The following GPR149 variants were observed in gnomAD, a reference collection of about 807,000 sequenced individuals.
GPR149 encodes the protein probable G protein-coupled receptor 149.
Under a neutral mutation model 50.2 loss-of-function variants are expected in GPR149, and 50 were observed. The ratio of observed to expected loss-of-function variants is 1.00; its 90% CI spans 0.79 to 1.26. The LOEUF (loss-of-function observed/expected upper bound fraction) is 1.26. Ranked by LOEUF, GPR149 falls within the 50% of genes most tolerant of loss-of-function variation. The probability of loss-of-function intolerance (pLI) is 0.00; values close to 1 mark genes in which losing one functional copy is unlikely to be tolerated. For missense variants in GPR149, 983 were observed against 895.4 expected, an observed-to-expected ratio of 1.10 and a Z score of -1.25; for synonymous variants, 405 against 358.2, an observed-to-expected ratio of 1.13 and a Z score of -1.48.
Position 154,335,719 on chromosome 3 carries a change from C to T in GPR149, c.*1980G>A, listed in dbSNP as rs1713641100. ...TATCTATTTCTTAATGCTCTTTAAA[C>T]CTTGATTTCTGTTATAATCTCCATC... On this transcript the variant is annotated 3_prime_UTR_variant, in exon 4 of 4. Coordinates refer to ENST00000389740, the MANE Select transcript of GPR149 (RefSeq NM_001038705.3). 6.6e-6 allele frequency: 1 copy of T among 152,058 alleles called. No homozygotes were observed. The allele number at this position is 152,058 out of a possible 1,614,324, so 9.4% of individuals were successfully genotyped here.
At chr3:154,353,856 G>C in intron 3 of GPR149, 1 of 613,564 alleles carries the variant, frequency 1.6e-6, no homozygotes, top group Non-Finnish European at 3.0e-6. Flanking sequence ...ATAGGAAAGA[G>C]ATATGTTACC....
At chr3:154,340,898 T>G (rs187755996) in intron 3 of GPR149, among the ~76,000 whole-genome samples, 71 of 152,236 alleles carry the variant, frequency 4.7e-4, no homozygotes, top group Non-Finnish European at 8.2e-4. Context: ...GTTTCTGTAT[T>G]TTTAGTAGAG....
chr3:154,352,548 A>G (rs1714105480), intron 3 of GPR149: 1 of 775,198 alleles, frequency 1.3e-6, no homozygotes, highest in East Asian at 2.4e-5. Flanking sequence ...GGCACAGGTG[A>G]CATCCTGTAT....
chr3:154,409,835 A>G (rs1229807317), intron 3 of GPR149, among the ~76,000 whole-genome samples: 1 of 152,208 alleles, frequency 6.6e-6, no homozygotes, highest in African/African-American at 2.4e-5. Context: ...AAACCTCCCC[A>G]GTCTTGCTAG....
At chr3:154,352,378 G>A (rs1714101381) in intron 3 of GPR149, 3 of 1,125,274 alleles carry the variant, frequency 2.7e-6, no homozygotes, top group Non-Finnish European at 3.9e-6. Flanking sequence ...AATTTGGCTG[G>A]CACTGAGAGT....
At chr3:154,420,989 C>T in intron 3 of GPR149, 50 bp downstream of exon 3, 1 of 1,308,354 alleles carries the variant, frequency 7.6e-7, no homozygotes, top group African/African-American at 1.5e-5. Context: ...TCATGACTAT[C>T]ATATTTAGTA....
chr3:154,341,292 C>CATATATATATATATATAT (rs373212063), intron 3 of GPR149, among the ~76,000 whole-genome samples: 1 of 72,954 alleles, frequency 1.4e-5, no homozygotes, highest in Non-Finnish European at 2.5e-5. Context: ...AAAAATAAGA[C>CATATATATATATATATAT]ATATATATAT....
intron 3 of GPR149, among the ~76,000 whole-genome samples, chr3:154,355,958 T>C (rs1488712602): frequency 6.6e-6 from 1 of 152,184 alleles, no homozygotes; most frequent in Non-Finnish European, 1.5e-5. Context: ...ACAAGAATAC[T>C]TTCGTCAAAC....
At chr3:154,372,662 C>A (rs1392726884) in intron 3 of GPR149, among the ~76,000 whole-genome samples, 1 of 152,018 alleles carries the variant, frequency 6.6e-6, no homozygotes, top group African/African-American at 2.4e-5. Context: ...GCCAGAGGAC[C>A]AGTATGGAGG....
intron 3 of GPR149, among the ~76,000 whole-genome samples, chr3:154,396,529 T>C (rs1350691861): frequency 6.6e-6 from 1 of 152,176 alleles, no homozygotes; most frequent in Admixed American, 6.5e-5. Flanking sequence ...GTGTCATTTT[T>C]AGACAGTTTA....
At chr3:154,345,068 T>C (rs1713890721) in intron 3 of GPR149, among the ~76,000 whole-genome samples, 1 of 152,242 alleles carries the variant, frequency 6.6e-6, no homozygotes, top group Non-Finnish European at 1.5e-5. Flanking sequence ...GAACATTCTC[T>C]TGTTGATCTT....
chr3:154,423,994 T>C (rs1057040137), intron 2 of GPR149, among the ~76,000 whole-genome samples: 8 of 151,860 alleles, frequency 5.3e-5, no homozygotes, highest in Admixed American at 3.9e-4. Context: ...CTTTAATTAT[T>C]AACAAAGGCA....
chr3:154,378,087 C>CTTTTTTTT (rs1553764603), intron 3 of GPR149, among the ~76,000 whole-genome samples: 1 of 126,108 alleles, frequency 7.9e-6, no homozygotes. Context: ...ATCCCCCCCC[C>CTTTTTTTT]CTTTTTTTTT....
chr3:154,353,419 C>A (rs1423711223), intron 3 of GPR149: 2 of 1,064,670 alleles, frequency 1.9e-6, no homozygotes, highest in Non-Finnish European at 2.9e-6. Context: ...TGAATCACAT[C>A]TTCAACTTGT....
intron 3 of GPR149, chr3:154,353,448 A>C: frequency 2.0e-6 from 2 of 977,186 alleles, no homozygotes; most frequent in Non-Finnish European, 3.3e-6. Flanking sequence ...ATCTAAATCT[A>C]ACGTTTGATC....
intron 3 of GPR149, 80 bp from the exon 4 acceptor site, chr3:154,338,351 G>C (rs1425137036): frequency 1.8e-6 from 2 of 1,130,892 alleles, no homozygotes; most frequent in Non-Finnish European, 2.5e-6. Context: ...TTGTTCATCA[G>C]AATGATAAAG....
rs544662588 is a variant in GPR149 at position 154,419,346 on chromosome 3, T to C, written c.1623+1693A>G. 2.0e-5 allele frequency among the ~76,000 whole-genome samples: 3 copies of C among 152,192 alleles called. No homozygotes were observed. The South Asian group carries it at 6.2e-4, about 32-fold the overall frequency. On this transcript the variant is annotated intron_variant, in intron 3 of 3. Coordinates refer to ENST00000389740, the MANE Select transcript of GPR149 (RefSeq NM_001038705.3). ...GATTCTTTCACGTTTCTAGTTATAG[T>C]TATTTGACCCTACTTTCCAAACTAT...
chr3:154,371,742 A>G (rs1012201208), intron 3 of GPR149, among the ~76,000 whole-genome samples: 12 of 152,176 alleles, frequency 7.9e-5, no homozygotes, highest in African/African-American at 2.9e-4. Context: ...GAAATAAGAG[A>G]ACAAATAGAA....
chr3:154,407,565 A>T (rs2108421607), intron 3 of GPR149, among the ~76,000 whole-genome samples: 1 of 152,212 alleles, frequency 6.6e-6, no homozygotes, highest in South Asian at 2.1e-4. Flanking sequence ...GTAGTAGTTG[A>T]TTGGAATTGG....
Sources: allele counts gnomAD v4.1 joint callset (sites outside exome capture counted in the v4.1 genomes callset), GRCh38; gene constraint gnomAD v4.1.1; transcripts MANE v1.5; gene names NCBI Gene and HGNC (gene_info 2026-07-23, HGNC 2026-07-21).